LRGUK: variants seen among roughly 807,000 people sequenced by gnomAD.
The protein encoded by LRGUK is leucine-rich repeat and guanylate kinase domain-containing protein.
A neutral mutation model predicts 76.0 loss-of-function variants in LRGUK; 65 were observed. That is an observed-to-expected ratio of 0.85 (90% CI 0.70 to 1.05). The LOEUF is 1.05. LRGUK is among the 50% of genes least tolerant of loss of function. The probability of loss-of-function intolerance (pLI) is 0.00; values close to 1 mark genes in which losing one functional copy is unlikely to be tolerated. For missense variants in LRGUK, 758 were observed against 732.8 expected (o/e 1.03, Z -0.40); for synonymous variants, 268 against 265.6 (o/e 1.01, Z -0.09).
At chr7:134,264,721 C>A (rs1267606494), downstream of LRGUK, 1 of 152,174 alleles carries the variant, frequency 6.6e-6, no homozygotes, top group Non-Finnish European at 1.5e-5. Context: ...CAGTTATAGA[C>A]AAGGCTGGTA....
intron 16 of LRGUK, among the ~76,000 whole-genome samples, chr7:134,229,058 T>C (rs1433161993): frequency 6.6e-6 from 1 of 152,178 alleles, no homozygotes; most frequent in Non-Finnish European, 1.5e-5. Context: ...TAGCAACAAT[T>C]TTAAATATAT....
chr7:134,154,989 C>G (rs751487420), intron 5 of LRGUK, among the ~76,000 whole-genome samples: 1 of 152,186 alleles, frequency 6.6e-6, no homozygotes, highest in Non-Finnish European at 1.5e-5. Context: ...CATGAGAATA[C>G]TTCCTGAGGC....
chr7:134,258,136 G>A (rs556061869), intron 18 of LRGUK, 121 bp from the exon 19 acceptor site: 541 of 1,211,754 alleles, frequency 4.5e-4, no homozygotes, highest in Non-Finnish European at 5.7e-4. Flanking sequence ...CACAAGACAT[G>A]TCCACTAACT....
intron 19 of LRGUK, among the ~76,000 whole-genome samples, chr7:134,261,910 C>A (rs898200551): frequency 2.0e-5 from 3 of 152,108 alleles, no homozygotes; most frequent in Admixed American, 2.0e-4. Context: ...TGGCTGCAGG[C>A]CCGATTTGGC....
At chr7:134,164,685 C>T (rs1798896186) in intron 7 of LRGUK, among the ~76,000 whole-genome samples, 1 of 152,124 alleles carries the variant, frequency 6.6e-6, no homozygotes, top group African/African-American at 2.4e-5. Context: ...CTCAAGTGAG[C>T]TGGGGTGTTG....
At chr7:134,251,544 C>A (rs953417338) in intron 18 of LRGUK, among the ~76,000 whole-genome samples, 4 of 152,138 alleles carry the variant, frequency 2.6e-5, no homozygotes, top group Non-Finnish European at 5.9e-5. Context: ...CAAACTAATA[C>A]GACCTGTATA....
intron 7 of LRGUK, among the ~76,000 whole-genome samples, chr7:134,167,287 T>A (rs781749885): frequency 6.6e-6 from 1 of 152,154 alleles, no homozygotes; most frequent in Non-Finnish European, 1.5e-5. Context: ...ACACTTTAAG[T>A]CCAGGTTTTG....
intron 18 of LRGUK, among the ~76,000 whole-genome samples, chr7:134,252,522 T>C (rs1247044055): frequency 2.6e-5 from 4 of 152,138 alleles, no homozygotes; most frequent in Non-Finnish European, 5.9e-5. Flanking sequence ...TGATAACAAG[T>C]AACTGACACT....
chr7:134,151,688 A>G (rs969547079), intron 5 of LRGUK, among the ~76,000 whole-genome samples: 5 of 152,122 alleles, frequency 3.3e-5, no homozygotes, highest in African/African-American at 9.6e-5. Flanking sequence ...ATGTATTACC[A>G]CCAAATTGGG....
At chr7:134,176,756 A>G (rs571293862) in intron 8 of LRGUK, among the ~76,000 whole-genome samples, 2 of 152,322 alleles carry the variant, frequency 1.3e-5, no homozygotes, top group East Asian at 3.9e-4. Context: ...AGGGAGATTA[A>G]CAAGAGTGTA....
chr7:134,127,790 C>A (rs1326196326), intron 1 of LRGUK, 126 bp downstream of exon 1: 20 of 1,075,606 alleles, frequency 1.9e-5, no homozygotes, highest in Non-Finnish European at 2.6e-5. Context: ...CTCTCGCCTC[C>A]AGGAACGCCT....
intron 16 of LRGUK, among the ~76,000 whole-genome samples, chr7:134,231,311 T>C (rs796305578): frequency 1.3e-5 from 2 of 152,320 alleles, no homozygotes; most frequent in African/African-American, 2.4e-5. Context: ...TGATAGTTTA[T>C]TGGCAGATGA....
chr7:134,213,961 T>C (rs1455279649), downstream of LRGUK, among the ~76,000 whole-genome samples: 1 of 152,250 alleles, frequency 6.6e-6, no homozygotes, highest in Middle Eastern at 3.2e-3. Context: ...TTGTGGCTTA[T>C]AGTGACTACA....
chr7:134,250,255 T>A (rs958798052), intron 18 of LRGUK, among the ~76,000 whole-genome samples: 2 of 152,194 alleles, frequency 1.3e-5, no homozygotes, highest in Non-Finnish European at 2.9e-5. Context: ...CACAGGGATA[T>A]ATATTTTATT....
In LRGUK at chr7:134,192,225, C is replaced by T. The variant is rs563554689; in HGVS notation, c.1431+474C>T. ...ATTGTTACAACCCTAAGCACCATTTCAGTATGGCGTGTCCCATTTACTTGG... is the reference window on the plus strand; with the variant it reads ...ATTGTTACAACCCTAAGCACCATTTTAGTATGGCGTGTCCCATTTACTTGG... On this transcript the variant is annotated intron_variant, in intron 12 of 15. Coordinates refer to ENST00000645682, the Ensembl canonical transcript of LRGUK. Among the ~76,000 whole-genome samples the T allele has an allele frequency of 8.0e-4, 122 of 152,298 alleles. 1 individual carries two copies. Among genetic ancestry groups the T allele is most frequent in the African/African-American group, 2.7e-3 (112 of 41,566 alleles).
intron 7 of LRGUK, among the ~76,000 whole-genome samples, chr7:134,173,429 T>C (rs764255794): frequency 1.8e-4 from 27 of 152,144 alleles, no homozygotes; most frequent in African/African-American, 6.0e-4. Flanking sequence ...TGGAGAAAAA[T>C]AGAAATGAAA....
chr7:134,150,124 A>C (rs1463558139), intron 5 of LRGUK, among the ~76,000 whole-genome samples: 1 of 151,902 alleles, frequency 6.6e-6, no homozygotes, highest in East Asian at 1.9e-4. Context: ...AAATACAAAA[A>C]ATTAGCCAGG....
intron 16 of LRGUK, among the ~76,000 whole-genome samples, chr7:134,230,497 A>G (rs574615483): frequency 1.1e-4 from 17 of 152,338 alleles, no homozygotes; most frequent in African/African-American, 3.8e-4. Flanking sequence ...GTATATACCC[A>G]ATAGAAATGA....
At chr7:134,257,684 G>A (rs971464021) in intron 18 of LRGUK, among the ~76,000 whole-genome samples, 4 of 152,018 alleles carry the variant, frequency 2.6e-5, no homozygotes, top group African/African-American at 9.7e-5. Flanking sequence ...CATGCCTGTG[G>A]TCCCAGCTAC....
Sources: allele counts gnomAD v4.1 joint callset (sites outside exome capture counted in the v4.1 genomes callset), GRCh38; gene constraint gnomAD v4.1.1; transcripts MANE v1.5; gene names NCBI Gene and HGNC (gene_info 2026-07-23, HGNC 2026-07-21).